PIP5K1C: variants seen among roughly 807,000 people sequenced by gnomAD.
PIP5K1C encodes the protein phosphatidylinositol-4-phosphate 5-kinase type 1 gamma, also known as phosphatidylinositol 4-phosphate 5-kinase type-1 gamma.
A neutral mutation model predicts 80.1 loss-of-function variants in PIP5K1C; 45 were observed. The observed-to-expected ratio is 0.56, with a 90% confidence interval of 0.44 to 0.72. The LOEUF (loss-of-function observed/expected upper bound fraction) is 0.72, where lower values mean the gene tolerates loss of function less well. Among genes scored for constraint, PIP5K1C ranks in the 30% least tolerant of loss-of-function variants. PIP5K1C has a pLI of 0.00. For synonymous variants in PIP5K1C, 498 were observed against 420.1 expected, an observed-to-expected ratio of 1.19 and a Z score of -2.27; for missense variants, 753 against 954.6, an observed-to-expected ratio of 0.79 and a Z score of 2.78.
chr19:3,653,329 G>A lies in PIP5K1C; in HGVS notation c.882C>T (p.Thr294=). 1 of 1,610,928 alleles carries A rather than the reference G, an allele frequency of 6.2e-7. No individual in the cohort carries two copies. ...GCAGCGTCTTGACCAGGGCGCTGAA[G>A]GTGTCGGCGTCCAGCAGGAGCCCCT... ...MPEGLLLDAD[T]FSALVKTLQR... is the part of the protein sequence containing the mutation. The change falls in exon 7 of 18, where the codon ACC becomes ACT. Residue 294 remains threonine, a synonymous_variant. Transcript: ENST00000335312.
intron 1 of PIP5K1C, among the ~76,000 whole-genome samples, chr19:3,684,552 G>A (rs2035692359): frequency 6.6e-6 from 1 of 152,242 alleles, no homozygotes; most frequent in African/African-American, 2.4e-5. Flanking sequence ...CCTGGGACAG[G>A]AGGCCACCAG....
At chr19:3,647,010 C>T (rs1368140433) in intron 10 of PIP5K1C, among the ~76,000 whole-genome samples, 3 of 76,540 alleles carry the variant, frequency 3.9e-5, no homozygotes, top group South Asian at 5.5e-4. Context: ...AGGGTGCAGG[C>T]GCTCACAGAG....
chr19:3,648,941 G>A lies in PIP5K1C; in HGVS notation c.1128-233C>T, dbSNP rs1378474959. Among the ~76,000 whole-genome samples, 1 of 152,110 alleles carries A rather than the reference G, an allele frequency of 6.6e-6. No individual in the cohort carries two copies. On this transcript the variant is annotated intron_variant, in intron 8 of 17. Transcript: ENST00000335312. The surrounding 1 kb of genome is among the most constrained non-coding windows in gnomAD (Gnocchi z 4.3). ...GAGGAGTCCCAGCTAGGAGGCCTGG[G>A]CACATACCCCCTACACACACGTGTG...
rs2033715254 is a variant in PIP5K1C at position 3,637,016 on chromosome 19, C to T, written c.1920+1868G>A. The T allele has an allele frequency of 9.5e-7, 1 of 1,051,310 alleles. No homozygotes were observed. Among genetic ancestry groups the T allele is most frequent in the Non-Finnish European group, 1.1e-6 (1 of 871,154 alleles). 65.1% of individuals were successfully genotyped at this position (1,051,310 alleles called of 1,614,324 possible). A position where few individuals can be genotyped will look rare whatever the true frequency, so the allele number is the denominator to read the frequency against. Reference sequence around the variant, plus strand: ...CCCAGGCTCCCAGGGGAGCCGAGGCCTCAGCGCCTCCATCTGTGAGGTGGG... The same window carrying T: ...CCCAGGCTCCCAGGGGAGCCGAGGCTTCAGCGCCTCCATCTGTGAGGTGGG... On this transcript the variant is annotated intron_variant, in intron 16 of 17. Transcript: ENST00000335312. This position sits in a 1 kb window ranked among gnomAD's most constrained non-coding sequence, Gnocchi z 7.0.
At chr19:3,655,553 T>C (rs1264379132) in intron 6 of PIP5K1C, among the ~76,000 whole-genome samples, 1 of 152,252 alleles carries the variant, frequency 6.6e-6, no homozygotes, top group East Asian at 1.9e-4. Flanking sequence ...TCCATTCTCA[T>C]GTGGTCACAG....
chr19:3,651,844 G>C lies in PIP5K1C; in HGVS notation c.1109C>G (p.Ala370Gly). The C allele has an allele frequency of 6.2e-7, 1 of 1,612,010 alleles. No individual in the cohort carries two copies. Among genetic ancestry groups the C allele is most frequent in the Non-Finnish European group, 8.5e-7 (1 of 1,179,818 alleles). ...SIQGGAARGEAIESDDTMGGI... is the reference protein window; with the variant it reads ...SIQGGAARGEGIESDDTMGGI... ...CACCTACGTGTCATCCGATTCGATG[G>C]CCTCCCCGCGCGCGGCGCCACCCTG... Residue 370 changes from alanine (A) to glycine (G), a missense_variant, in exon 8 of 18, where the codon GCC (alanine) becomes GGC (glycine). Physicochemically the swap from Ala to Gly is moderately conservative, Grantham distance 60. This residue lies in a region of PIP5K1C where 114 missense variants were observed against 152.4 expected (regional missense o/e 0.75). Transcript: ENST00000335312.
intron 2 of PIP5K1C, among the ~76,000 whole-genome samples, chr19:3,665,205 C>T (rs541685822): frequency 1.3e-5 from 2 of 152,168 alleles, no homozygotes; most frequent in Non-Finnish European, 2.9e-5. Context: ...CAGCTCCAGC[C>T]CTCTAATTCC....
At chr19:3,636,086 G>C (rs925007607) in intron 16 of PIP5K1C, among the ~76,000 whole-genome samples, 2 of 152,178 alleles carry the variant, frequency 1.3e-5, no homozygotes, top group African/African-American at 2.4e-5. Flanking sequence ...GTACCTGGGG[G>C]GTGGAGGTTG....
intron 15 of PIP5K1C, among the ~76,000 whole-genome samples, chr19:3,641,196 G>C (rs536914093): frequency 1.6e-3 from 250 of 151,864 alleles, no homozygotes; most frequent in African/African-American, 5.8e-3. Flanking sequence ...GCCTGGGCAA[G>C]AGAGCAATAT....
At chr19:3,649,973 A>G (rs1216200641) in intron 8 of PIP5K1C, 1 of 222,144 alleles carries the variant, frequency 4.5e-6, no homozygotes, top group Non-Finnish European at 9.0e-6. Flanking sequence ...CGCTCTGCTC[A>G]CGCCACAGGC....
intron 1 of PIP5K1C, among the ~76,000 whole-genome samples, chr19:3,674,936 G>A (rs146388949): frequency 2.0e-5 from 3 of 152,308 alleles, no homozygotes; most frequent in East Asian, 3.9e-4. Flanking sequence ...AGGCTCTGAC[G>A]CAGGCCACAG....
At position 3,661,950 on chromosome 19, in the gene PIP5K1C, C is replaced by T. The variant is rs1399261015; in HGVS notation, c.271G>A (p.Val91Met). The T allele has an allele frequency of 2.5e-6, 4 of 1,610,708 alleles. No homozygotes were observed. Among genetic ancestry groups the T allele is most frequent in the Non-Finnish European group, 2.5e-6 (3 of 1,179,194 alleles). Residue 91 changes from valine to methionine, a missense_variant, in exon 4 of 18, where the codon GTG (valine) becomes ATG (methionine). Val to Met is a conservative substitution (Grantham distance 21). Transcript: ENST00000335312. ...GAIQLGIGYT[V>M]GHLSSKPERD... ...TCGGGCTTGGAGCTCAGGTGGCCCA[C>T]GGTGTAGCCGATGCCCAGCTGGATG... is the stretch of plus-strand genomic sequence containing the variant.
chr19:3,633,080 C>A lies in PIP5K1C; in HGVS notation c.*87G>T. On this transcript the variant is annotated 3_prime_UTR_variant, in exon 18 of 18. Coordinates refer to ENST00000335312, the MANE Select transcript of PIP5K1C (RefSeq NM_012398.3). ...GGCGGCGAGGCGGGCATCTCCCGAGCTCTGGGCCTCAGCGGGGTGGGCAGC... is the reference window on the plus strand; with the variant it reads ...GGCGGCGAGGCGGGCATCTCCCGAGATCTGGGCCTCAGCGGGGTGGGCAGC... The A allele has an allele frequency of 1.4e-6, 1 of 711,608 alleles. No homozygotes were observed. Among genetic ancestry groups the A allele is most frequent in the Non-Finnish European group, 2.6e-6 (1 of 382,814 alleles). The allele number at this position is 711,608 out of a possible 1,614,324, so 44.1% of individuals were successfully genotyped here.
At chr19:3,685,163 T>G (rs2035715069) in intron 1 of PIP5K1C, among the ~76,000 whole-genome samples, 1 of 152,140 alleles carries the variant, frequency 6.6e-6, no homozygotes, top group South Asian at 2.1e-4. Flanking sequence ...GAAACCAGCC[T>G]GCCAGCAATG....
intron 1 of PIP5K1C, among the ~76,000 whole-genome samples, chr19:3,671,165 G>T (rs1229293955): frequency 1.3e-5 from 2 of 152,210 alleles, no homozygotes; most frequent in Admixed American, 1.3e-4. Context: ...GGGCCTCCCT[G>T]CCCACAGTCC....
In PIP5K1C at chr19:3,630,571, G is replaced by T; in HGVS notation, c.*2596C>A. ...GTGGGGACTGAGGGCTGTGGAGACA[G>T]TACCATGGTGAAGGACCCCATGGCA... On this transcript the variant is annotated 3_prime_UTR_variant, in exon 18 of 18. Transcript: ENST00000335312. 1 of 152,700 alleles carries T rather than the reference G, an allele frequency of 6.5e-6. No homozygotes were observed. Among genetic ancestry groups the T allele is most frequent in the Non-Finnish European group, 1.5e-5 (1 of 68,022 alleles). 9.5% of individuals were successfully genotyped at this position (152,700 alleles called of 1,614,324 possible). A position where few individuals can be genotyped will look rare whatever the true frequency, so the allele number is the denominator to read the frequency against.
At chr19:3,699,605 C>T (rs993840268) in intron 1 of PIP5K1C, among the ~76,000 whole-genome samples, 1 of 152,192 alleles carries the variant, frequency 6.6e-6, no homozygotes, top group Non-Finnish European at 1.5e-5. Flanking sequence ...CTGTTCCCTT[C>T]CTCTGGGCTC....
chr19:3,653,369 A>T lies in PIP5K1C; in HGVS notation c.842T>A (p.Met281Lys). 1 of 1,612,632 alleles carries T rather than the reference A, an allele frequency of 6.2e-7. No individual in the cohort carries two copies. Among genetic ancestry groups the T allele is most frequent in the Non-Finnish European group, 8.5e-7 (1 of 1,180,012 alleles). Reference sequence around the variant, plus strand: ...CAGGAGCCCCTCGGGCATGTCCTGCATGAAGTCCAGGTCCTTGTAGGTGGG... The same window carrying T: ...CAGGAGCCCCTCGGGCATGTCCTGCTTGAAGTCCAGGTCCTTGTAGGTGGG... ...SFPTYKDLDFMQDMPEGLLLD... is the reference protein window; with the variant it reads ...SFPTYKDLDFKQDMPEGLLLD... Residue 281 changes from methionine to lysine, a missense_variant, in exon 7 of 18, where the codon ATG becomes AAG. Physicochemically the swap from Met to Lys is moderately conservative, Grantham distance 95. Transcript: ENST00000335312.
chr19:3,694,211 C>CAAAAAA (rs1175485721), intron 1 of PIP5K1C, among the ~76,000 whole-genome samples: 1 of 57,492 alleles, frequency 1.7e-5, no homozygotes, highest in East Asian at 5.0e-4. Flanking sequence ...GACTCCATCT[C>CAAAAAA]AAAAAAAAAA....
Sources: gnomAD v4.1 joint callset for allele counts (sites outside exome capture counted in the v4.1 genomes callset) on GRCh38, gnomAD v4.1.1 for gene constraint, gnomAD v4.1.1 regional missense constraint, Gnocchi (gnomAD v3.1) non-coding constraint, MANE v1.5 for transcripts, NCBI Gene and HGNC (gene_info 2026-07-23, HGNC 2026-07-21) for gene names.